The following RCBTB2 variants were observed in gnomAD, a reference collection of about 807,000 sequenced individuals.
The protein encoded by RCBTB2 is RCC1 and BTB domain containing protein 2, also known as RCC1 and BTB domain-containing protein 2.
A neutral mutation model predicts 65.4 loss-of-function variants in RCBTB2; 55 were observed. The ratio of observed to expected loss-of-function variants is 0.84; its 90% CI spans 0.68 to 1.05. RCBTB2 has a LOEUF of 1.05. Ranked by LOEUF, RCBTB2 falls within the 50% of genes least tolerant of loss-of-function variation. The pLI is 0.00. For missense variants in RCBTB2, 599 were observed against 680.1 expected (o/e 0.88, Z 1.33); for synonymous variants, 220 against 255.2 (o/e 0.86, Z 1.31).
chr13:48,493,311 A>ACTCTCTCCCTCTCTCT (rs773819158), intron 14 of RCBTB2, among the ~76,000 whole-genome samples: 2 of 57,338 alleles, frequency 3.5e-5, no homozygotes, highest in African/African-American at 1.3e-4. Flanking sequence ...ACACACACAC[A>ACTCTCTCCCTCTCTCT]CACACTCTCT....
At chr13:48,521,776 G>C (rs1210539387) in intron 4 of RCBTB2, 122 bp downstream of exon 4, 19 of 876,642 alleles carry the variant, frequency 2.2e-5, no homozygotes, top group Admixed American at 3.9e-5. Context: ...TGATTACACT[G>C]TGAGCCCCTC....
At chr13:48,534,341 C>T (rs1952323766), upstream of RCBTB2, among the ~76,000 whole-genome samples, 1 of 151,980 alleles carries the variant, frequency 6.6e-6, no homozygotes, top group South Asian at 2.1e-4. Context: ...TTTTTTTAAG[C>T]ACCTATTGTG....
At chr13:48,515,126 C>T in intron 6 of RCBTB2, 79 bp downstream of exon 6, 1 of 1,293,146 alleles carries the variant, frequency 7.7e-7, no homozygotes, top group East Asian at 2.3e-5. Context: ...GAAGAGCTAG[C>T]AACTCTCAAC....
chr13:48,504,128 C>T (rs1950374277), intron 10 of RCBTB2: 1 of 979,476 alleles, frequency 1.0e-6, no homozygotes, highest in Non-Finnish European at 1.2e-6. Flanking sequence ...TGTCTCCCCT[C>T]AGCCACCACT....
chr13:48,533,446 C>G (rs561544910), upstream of RCBTB2, among the ~76,000 whole-genome samples: 61 of 152,310 alleles, frequency 4.0e-4, no homozygotes, highest in South Asian at 1.2e-3. Context: ...ATGCTGAGAG[C>G]AACCTTTTCC....
chr13:48,494,797 C>T (rs1380289346), intron 14 of RCBTB2, among the ~76,000 whole-genome samples: 1 of 151,630 alleles, frequency 6.6e-6, no homozygotes, highest in Non-Finnish European at 1.5e-5. Context: ...TTGTAAGTGC[C>T]CAATATGTTA....
chr13:48,532,976 G>A (rs1466572039), intron 1 of RCBTB2, 52 bp downstream of exon 1: 6 of 455,338 alleles, frequency 1.3e-5, no homozygotes, highest in African/African-American at 8.0e-5. Flanking sequence ...AGCATCCCAC[G>A]TCACGGCCGC....
intron 12 of RCBTB2, 33 bp downstream of exon 12, chr13:48,501,709 C>T (rs1317305351): frequency 6.3e-7 from 1 of 1,578,094 alleles, no homozygotes; most frequent in Non-Finnish European, 8.7e-7. Flanking sequence ...GAACGAATTA[C>T]TTTTCTCAAT....
At chr13:48,505,684 C>T (rs146045257) in intron 10 of RCBTB2, among the ~76,000 whole-genome samples, 1 of 152,198 alleles carries the variant, frequency 6.6e-6, no homozygotes, top group African/African-American at 2.4e-5. Context: ...GTGGGCAGGA[C>T]ACGCGGATCA....
intron 10 of RCBTB2, chr13:48,504,208 T>C: frequency 1.0e-6 from 1 of 985,408 alleles, no homozygotes; most frequent in Non-Finnish European, 1.2e-6. Flanking sequence ...TTAGACTCTC[T>C]CTTCTGCCCC....
In RCBTB2 at chr13:48,506,530, G is replaced by T. The variant is rs1008480410; in HGVS notation, c.927-3616C>A. On this transcript the variant is annotated intron_variant, in intron 10 of 14. Coordinates refer to ENST00000344532, the MANE Select transcript of RCBTB2 (RefSeq NM_001268.4). ...CTGGATGTTAATGCAGAGGGAGGGA[G>T]AGGAGCGGAAGGTGGCCCAGGGGAT... Among the ~76,000 whole-genome samples, 4 of 152,166 alleles carry T rather than the reference G, an allele frequency of 2.6e-5. No individual in the cohort carries two copies. In the East Asian group the frequency reaches 7.7e-4, roughly 29 times the overall value.
intron 14 of RCBTB2, among the ~76,000 whole-genome samples, chr13:48,493,285 CTCTCCACA>C (rs1351327194): frequency 1.7e-4 from 20 of 117,866 alleles, no homozygotes; most frequent in African/African-American, 8.5e-4. Context: ...CCCTCTCTCT[CTCTCCACA>C]CACACACACA....
chr13:48,491,279 T>G (rs1949687256), intron 14 of RCBTB2, among the ~76,000 whole-genome samples: 2 of 151,980 alleles, frequency 1.3e-5, no homozygotes, highest in Non-Finnish European at 2.9e-5. Context: ...CTTGCCAATG[T>G]ACATATAAAC....
upstream of RCBTB2, chr13:48,533,203 G>A: frequency 2.9e-6 from 1 of 340,106 alleles, no homozygotes; most frequent in Non-Finnish European, 5.8e-6. Flanking sequence ...AGAGGAGGGG[G>A]CTGGCGACGG....
At chr13:48,508,854 C>T (rs937875125) in intron 10 of RCBTB2, among the ~76,000 whole-genome samples, 1 of 152,180 alleles carries the variant, frequency 6.6e-6, no homozygotes, top group South Asian at 2.1e-4. Flanking sequence ...TTCTTTCTCC[C>T]ACCTTGACGC....
At chr13:48,513,044 A>G in intron 6 of RCBTB2, 149 bp from the exon 7 acceptor site, 1 of 632,078 alleles carries the variant, frequency 1.6e-6, no homozygotes, top group South Asian at 2.4e-5. Context: ...CATTCTACAA[A>G]AGAATCTATT....
chr13:48,520,748 C>G (rs1215756992), intron 4 of RCBTB2, among the ~76,000 whole-genome samples: 1 of 152,152 alleles, frequency 6.6e-6, no homozygotes, highest in Non-Finnish European at 1.5e-5. Flanking sequence ...CCAAACTTCA[C>G]TTAATTACAG....
chr13:48,505,412 T>C (rs1950451319), intron 10 of RCBTB2, among the ~76,000 whole-genome samples: 1 of 152,246 alleles, frequency 6.6e-6, no homozygotes, highest in African/African-American at 2.4e-5. Context: ...CCTTTCCTGA[T>C]ATTTGCAGGG....
At chr13:48,530,059 T>G (rs1952021683) in intron 1 of RCBTB2, among the ~76,000 whole-genome samples, 1 of 150,522 alleles carries the variant, frequency 6.6e-6, no homozygotes, top group African/African-American at 2.4e-5. Flanking sequence ...CCTGGCTCAT[T>G]TTTTTTTTGT....
Sources: gnomAD v4.1 joint callset for allele counts (sites outside exome capture counted in the v4.1 genomes callset) on GRCh38, gnomAD v4.1.1 for gene constraint, MANE v1.5 for transcripts, NCBI Gene and HGNC (gene_info 2026-07-23, HGNC 2026-07-21) for gene names.